The following AXDND1 variants were observed in gnomAD, a reference collection of about 807,000 sequenced individuals.
AXDND1 encodes the protein axonemal dynein light chain domain containing 1.
A neutral mutation model predicts 137.5 loss-of-function variants in AXDND1; 110 were observed. The observed-to-expected ratio is 0.80, with a 90% CI of 0.69 to 0.94. The LOEUF (loss-of-function observed/expected upper bound fraction) is 0.94, where lower values mean the gene tolerates loss of function less well. Ranked by LOEUF, AXDND1 falls within the 40% of genes least tolerant of loss-of-function variation. The probability of loss-of-function intolerance (pLI) is 0.00; values close to 1 mark genes in which losing one functional copy is unlikely to be tolerated. For missense variants in AXDND1, 1,191 were observed against 1,169.8 expected, an observed-to-expected ratio of 1.02 and a Z score of -0.26; for synonymous variants, 414 against 399.7, an observed-to-expected ratio of 1.04 and a Z score of -0.43.
chr1:179,439,209 A>G (rs1490305900), intron 15 of AXDND1, among the ~76,000 whole-genome samples: 1 of 152,184 alleles, frequency 6.6e-6, no homozygotes, highest in Non-Finnish European at 1.5e-5. Flanking sequence ...AATGGAATCT[A>G]TTCTGTATAA....
At position 179,473,093 on chromosome 1, in the gene AXDND1, T is replaced by A. The variant is rs182500797; in HGVS notation, c.1997+4452T>A. The stretch of plus-strand genomic sequence containing the variant: ...TTGTTTCTCTGTTTTTCTTTTATTG[T>A]TTTTTTTGTATTGAATGAATACTTT... On this transcript the variant is annotated intron_variant, in intron 17 of 25. Coordinates refer to ENST00000367618, the MANE Select transcript of AXDND1 (RefSeq NM_144696.6). Among the ~76,000 whole-genome samples the A allele has an allele frequency of 3.1e-4, 47 of 151,996 alleles. No homozygotes were observed. The East Asian group carries it at 8.9e-3, about 29-fold the overall frequency.
intron 4 of AXDND1, among the ~76,000 whole-genome samples, chr1:179,371,874 C>T (rs1388454423): frequency 6.6e-6 from 1 of 152,126 alleles, no homozygotes; most frequent in Non-Finnish European, 1.5e-5. Flanking sequence ...GTCAAGGGAA[C>T]AGGGATTGCA....
chr1:179,537,454 G>A (rs1572206375), intron 25 of AXDND1, among the ~76,000 whole-genome samples: 1 of 152,212 alleles, frequency 6.6e-6, no homozygotes, highest in African/African-American at 2.4e-5. Context: ...AGATAATCAT[G>A]TGGTTTTTGT....
chr1:179,489,234 A>G (rs949585803), intron 18 of AXDND1, among the ~76,000 whole-genome samples: 12 of 133,876 alleles, frequency 9.0e-5, no homozygotes, highest in African/African-American at 3.1e-4. Flanking sequence ...CTCATTAAAA[A>G]GAATTACATA....
chr1:179,428,792 T>C (rs1426435395), intron 12 of AXDND1, among the ~76,000 whole-genome samples: 1 of 152,198 alleles, frequency 6.6e-6, no homozygotes, highest in Admixed American at 6.5e-5. Context: ...TTTTACTAAT[T>C]TAACACAATT....
chr1:179,402,375 A>T (rs922193066), intron 11 of AXDND1, among the ~76,000 whole-genome samples: 1 of 152,070 alleles, frequency 6.6e-6, no homozygotes, highest in African/African-American at 2.4e-5. Context: ...CCTCTTTATA[A>T]GCTGATGATC....
At chr1:179,411,346 G>A in intron 12 of AXDND1, 80 bp downstream of exon 12, 1 of 1,456,920 alleles carries the variant, frequency 6.9e-7, no homozygotes, top group South Asian at 1.2e-5. Flanking sequence ...TGTTTTTTTT[G>A]TTTTGTTTTG....
At chr1:179,544,219 G>A (rs919643173) in intron 25 of AXDND1, 3 of 152,262 alleles carry the variant, frequency 2.0e-5, no homozygotes, top group East Asian at 1.9e-4. Context: ...CTCACTTCCC[G>A]CATTAAAAAT....
intron 16 of AXDND1, chr1:179,457,371 C>T (rs575585865): frequency 6.1e-5 from 28 of 457,206 alleles, no homozygotes; most frequent in Non-Finnish European, 8.7e-5. Flanking sequence ...GATGCTTCTT[C>T]GGCGGCGTCC....
intron 11 of AXDND1, among the ~76,000 whole-genome samples, chr1:179,403,619 G>A (rs1007231342): frequency 2.6e-5 from 4 of 152,192 alleles, no homozygotes; most frequent in Non-Finnish European, 4.4e-5. Flanking sequence ...TGTCGCCCAG[G>A]CTGGAGTGCA....
intron 16 of AXDND1, among the ~76,000 whole-genome samples, chr1:179,461,264 C>T (rs1403333471): frequency 6.6e-6 from 1 of 152,190 alleles, no homozygotes; most frequent in African/African-American, 2.4e-5. Flanking sequence ...CAGGTTTCTA[C>T]ATATGGCTAG....
At chr1:179,441,312 G>A (rs1296321815) in intron 15 of AXDND1, among the ~76,000 whole-genome samples, 1 of 152,132 alleles carries the variant, frequency 6.6e-6, no homozygotes, top group East Asian at 1.9e-4. Flanking sequence ...TTTTTAAAAT[G>A]TCCAGTTTTT....
At chr1:179,550,841 A>T (rs958941609) in intron 25 of AXDND1, 2 of 376,890 alleles carry the variant, frequency 5.3e-6, no homozygotes, top group Admixed American at 7.5e-5. Context: ...GGGTCAGAGG[A>T]CATACAGTGA....
Position 179,398,537 on chromosome 1 carries a change from G to A in AXDND1, c.1109+3335G>A, listed in dbSNP as rs376208768. 9.8e-5 allele frequency among the ~76,000 whole-genome samples: 15 copies of A among 152,310 alleles called. No individual in the cohort carries two copies. The East Asian group carries it at 2.3e-3, about 24-fold the overall frequency. On this transcript the variant is annotated intron_variant, in intron 11 of 25. Transcript: ENST00000367618. ...CTCATTGGCTGCAACAGGTGCTGGGGTGCCTGCTTCCATGTGGGTGTCACC... is the reference window on the plus strand; with the variant it reads ...CTCATTGGCTGCAACAGGTGCTGGGATGCCTGCTTCCATGTGGGTGTCACC...
At chr1:179,468,408 A>G (rs1663500841) in intron 16 of AXDND1, 35 bp from the exon 17 acceptor site, 2 of 1,439,552 alleles carry the variant, frequency 1.4e-6, no homozygotes, top group African/African-American at 2.9e-5. Flanking sequence ...TCTTACAAAT[A>G]TTTCTAAAAG....
intron 8 of AXDND1, among the ~76,000 whole-genome samples, chr1:179,384,330 A>G (rs1274683732): frequency 6.6e-6 from 1 of 152,180 alleles, no homozygotes; most frequent in African/African-American, 2.4e-5. Context: ...TTTAATACCC[A>G]GATATTCAGG....
At chr1:179,427,045 TC>T (rs1475487479) in intron 12 of AXDND1, among the ~76,000 whole-genome samples, 5 of 152,090 alleles carry the variant, frequency 3.3e-5, no homozygotes, top group African/African-American at 1.2e-4. Flanking sequence ...ATGCCTGTAA[TC>T]CCAGCTACTC....
chr1:179,552,574 C>T (rs1288908967), intron 25 of AXDND1: 5 of 1,588,850 alleles, frequency 3.1e-6, no homozygotes, highest in Non-Finnish European at 8.6e-7. Context: ...TCCTAAAGGG[C>T]AGTCTGGGTG....
At chr1:179,526,474 A>C (rs1176754436) in intron 22 of AXDND1, among the ~76,000 whole-genome samples, 2 of 152,206 alleles carry the variant, frequency 1.3e-5, no homozygotes, top group Non-Finnish European at 2.9e-5. Flanking sequence ...AACCCAGTTA[A>C]GTCTGGCACA....
Sources: allele counts gnomAD v4.1 joint callset (sites outside exome capture counted in the v4.1 genomes callset), GRCh38; gene constraint gnomAD v4.1.1; transcripts MANE v1.5; gene names NCBI Gene and HGNC (gene_info 2026-07-23, HGNC 2026-07-21).